The following CLASP2 variants were observed in gnomAD, a reference collection of about 807,000 sequenced individuals.
CLASP2 encodes CLIP-associating protein 2.
Under a neutral mutation model 194.4 loss-of-function variants are expected in CLASP2, and 47 were observed. The ratio of observed to expected loss-of-function variants is 0.24; its 90% CI spans 0.19 to 0.31. The LOEUF (loss-of-function observed/expected upper bound fraction) is 0.31, where lower values mean the gene tolerates loss of function less well. CLASP2 is among the 10% of genes least tolerant of loss of function. CLASP2 has a pLI of 1.00. For synonymous variants in CLASP2, 619 were observed against 633.5 expected (o/e 0.98, Z 0.34); for missense variants, 1,445 against 1,823.6 (o/e 0.79, Z 3.78).
chr3:33,632,149 T>C (rs1169939163), intron 9 of CLASP2, 143 bp downstream of exon 9: 2 of 496,724 alleles, frequency 4.0e-6, no homozygotes, highest in Non-Finnish European at 7.1e-6. Flanking sequence ...TACCAACAAA[T>C]AATGGCTTGG....
intron 7 of CLASP2, among the ~76,000 whole-genome samples, chr3:33,646,498 A>C (rs931430644): frequency 2.0e-5 from 3 of 152,174 alleles, no homozygotes; most frequent in Non-Finnish European, 4.4e-5. Flanking sequence ...ATTCCAAATA[A>C]ACTTCTTTGC....
rs1243213027 is a variant in CLASP2 at position 33,570,669 on chromosome 3, T to C, written c.2763+58A>G. ...AAAAATGGCCTACAGTTTTTCTGCT[T>C]TGACAATATACAAATGATACCCTAT... is the stretch of plus-strand genomic sequence containing the variant. On this transcript the variant is annotated intron_variant, in intron 26 of 38. Transcript: ENST00000682230. The C allele has an allele frequency of 1.9e-6, 3 of 1,563,140 alleles. No individual in the cohort carries two copies. In the African/African-American group the frequency reaches 4.1e-5, roughly 21 times the overall value.
chr3:33,583,087 G>C (rs1381732965), intron 22 of CLASP2, among the ~76,000 whole-genome samples: 1 of 152,194 alleles, frequency 6.6e-6, no homozygotes, highest in Admixed American at 6.5e-5. Flanking sequence ...GATCCAGGAG[G>C]GAGTGATTCA....
intron 22 of CLASP2, among the ~76,000 whole-genome samples, chr3:33,583,623 A>G (rs2066641957): frequency 6.6e-6 from 1 of 152,240 alleles, no homozygotes; most frequent in Non-Finnish European, 1.5e-5. Flanking sequence ...TTAATAATGT[A>G]AAAATTGATA....
At position 33,496,478 on chromosome 3, in the gene CLASP2, A is replaced by C. The variant is rs2045797484; in HGVS notation, c.*2153T>G. 1 of 152,208 alleles carries C rather than the reference A, an allele frequency of 6.6e-6. No homozygotes were observed. Among genetic ancestry groups the C allele is most frequent in the Non-Finnish European group, 1.5e-5 (1 of 68,024 alleles). The allele number at this position is 152,208 out of a possible 1,614,324, so 9.4% of individuals were successfully genotyped here. ...CTTTCTTATAGTCTTATCAACTGAGATTATAAAATTGTAAACACAATTTTT... is the reference window on the plus strand; with the variant it reads ...CTTTCTTATAGTCTTATCAACTGAGCTTATAAAATTGTAAACACAATTTTT... On this transcript the variant is annotated 3_prime_UTR_variant, in exon 39 of 39. Transcript: ENST00000682230.
intron 27 of CLASP2, among the ~76,000 whole-genome samples, chr3:33,565,804 T>C (rs2062628694): frequency 6.6e-6 from 1 of 151,122 alleles, no homozygotes; most frequent in Admixed American, 6.6e-5. Flanking sequence ...AGAGCGAGAC[T>C]CCGTCTCAAA....
At chr3:33,559,533 T>C (rs540028248) in intron 28 of CLASP2, 148 bp from the exon 29 acceptor site, 8 of 611,952 alleles carry the variant, frequency 1.3e-5, no homozygotes, top group Non-Finnish European at 2.0e-5. Flanking sequence ...CTACCTGGTA[T>C]AGTATACAAT....
At chr3:33,701,158 C>G (rs2092346281) in intron 1 of CLASP2, among the ~76,000 whole-genome samples, 1 of 152,188 alleles carries the variant, frequency 6.6e-6, no homozygotes, top group Non-Finnish European at 1.5e-5. Context: ...CAATCCCAAT[C>G]AAAATTCCAG....
intron 32 of CLASP2, among the ~76,000 whole-genome samples, chr3:33,540,748 C>A (rs2058206176): frequency 6.6e-6 from 1 of 151,010 alleles, no homozygotes; most frequent in Non-Finnish European, 1.5e-5. Context: ...TGACAAAAAT[C>A]AAGCTATTAA....
Position 33,602,966 on chromosome 3 carries a change from G to C in CLASP2, c.1910C>G (p.Ser637Cys). Residue 637 changes from serine (S) to cysteine (C), a missense_variant, in exon 18 of 39, where the codon TCC becomes TGC. Physicochemically the swap from Ser to Cys is moderately radical, Grantham distance 112. Transcript: ENST00000682230. ...RLGAGALNAG[S>C]YASLEDTSDK... is the part of the protein sequence containing the mutation. Reference sequence around the variant, plus strand: ...AGTTCTCTTACCTAGTGACGCATAGGAACCTGCATTCAGGGCACCTGCACC... The same window carrying C: ...AGTTCTCTTACCTAGTGACGCATAGCAACCTGCATTCAGGGCACCTGCACC... 1 of 1,610,250 alleles carries C rather than the reference G, an allele frequency of 6.2e-7. No homozygotes were observed. Among genetic ancestry groups the C allele is most frequent in the South Asian group, 1.1e-5 (1 of 90,080 alleles).
intron 12 of CLASP2, among the ~76,000 whole-genome samples, 169 bp downstream of exon 12, chr3:33,619,434 C>T (rs1235413978): frequency 6.7e-6 from 1 of 150,030 alleles, no homozygotes; most frequent in Non-Finnish European, 1.5e-5. Flanking sequence ...GTGGCTTTCA[C>T]TATCAGAAAA....
In CLASP2 at chr3:33,559,335, A is replaced by G; in HGVS notation, c.2981T>C (p.Val994Ala). The G allele has an allele frequency of 6.3e-7, 1 of 1,597,058 alleles. No homozygotes were observed. The highest frequency in any genetic ancestry group is 8.6e-7 in the Non-Finnish European group (1 of 1,168,952). The change falls in exon 29 of 39, where the codon GTT (valine) becomes GCT (alanine). Residue 994 changes from valine to alanine, a missense_variant. Physicochemically the swap from Val to Ala is moderately conservative, Grantham distance 64. Around this residue, in one of 4 missense-constraint regions of CLASP2, gnomAD observed 732 missense variants for 987.9 expected, o/e 0.74. Transcript: ENST00000682230. ...TAAGCTTGGTGTCTGGGTCTGATCA[A>G]CTGTAAATCTCATTAGAATATTGAA... Reference protein sequence around the residue: ...LQFNILMRFTVDQTQTPSLKV... With the variant: ...LQFNILMRFTADQTQTPSLKV...
At chr3:33,663,563 A>G (rs1287970953) in intron 6 of CLASP2, 48 bp from the exon 7 acceptor site, 2 of 1,286,238 alleles carry the variant, frequency 1.6e-6, no homozygotes, top group Non-Finnish European at 2.2e-6. Flanking sequence ...TAAAACATAT[A>G]GATTAAATAG....
intron 26 of CLASP2, 150 bp downstream of exon 26, chr3:33,570,577 T>C: frequency 1.0e-6 from 1 of 956,262 alleles, no homozygotes; most frequent in Non-Finnish European, 1.6e-6. Flanking sequence ...AATTTCTAAA[T>C]TACGTATGAT....
In CLASP2 at chr3:33,510,783, T is replaced by G. The variant is rs1304208959; in HGVS notation, c.4111-19A>C. 6.3e-7 allele frequency: 1 copy of G among 1,577,828 alleles called. No individual in the cohort carries two copies. The highest frequency in any genetic ancestry group is 1.2e-5 in the South Asian group (1 of 86,876). ...TCACCACCTAAAAAAAATAGGAAATTAAGCCAGAAAGTAATTTTTAAAATA... is the reference window on the plus strand; with the variant it reads ...TCACCACCTAAAAAAAATAGGAAATGAAGCCAGAAAGTAATTTTTAAAATA... On this transcript the variant is annotated intron_variant, in intron 36 of 38. Transcript: ENST00000682230.
At chr3:33,536,073 C>T (rs1482910590) in intron 33 of CLASP2, among the ~76,000 whole-genome samples, 2 of 151,944 alleles carry the variant, frequency 1.3e-5, no homozygotes, top group African/African-American at 2.4e-5. Flanking sequence ...TCAGCATCAC[C>T]ACCATCCACT....
intron 12 of CLASP2, among the ~76,000 whole-genome samples, chr3:33,619,156 A>T (rs1182704236): frequency 2.6e-5 from 4 of 152,206 alleles, no homozygotes; most frequent in Non-Finnish European, 5.9e-5. Context: ...AAAAGTAGTA[A>T]AGTAGTAAAG....
chr3:33,604,165 A>G lies in CLASP2; in HGVS notation c.1739T>C (p.Val580Ala). The change falls in exon 17 of 39, where the codon GTG becomes GCG. Residue 580 changes from valine (V) to alanine (A), a missense_variant. Val to Ala is a moderately conservative substitution (Grantham distance 64, BLOSUM62 0). Transcript: ENST00000682230. ...AAAGAGAAAATTACCTCTTCCAGCCACAGTTGATGGATTTGCTGTAGACCA... is the reference window on the plus strand; with the variant it reads ...AAAGAGAAAATTACCTCTTCCAGCCGCAGTTGATGGATTTGCTGTAGACCA... ...SKWSTANPST[V>A]AGRVSAGSSK... The G allele has an allele frequency of 6.4e-7, 1 of 1,559,170 alleles. No individual in the cohort carries two copies. Among genetic ancestry groups the G allele is most frequent in the Non-Finnish European group, 8.7e-7 (1 of 1,150,304 alleles).
At chr3:33,645,923 CCAG>C (rs2082190657) in intron 7 of CLASP2, among the ~76,000 whole-genome samples, 1 of 133,920 alleles carries the variant, frequency 7.5e-6, no homozygotes, top group Admixed American at 8.7e-5. Context: ...GAAACATCTC[CCAG>C]CATACACACA....
Sources: gnomAD v4.1 joint callset for allele counts (sites outside exome capture counted in the v4.1 genomes callset) on GRCh38, gnomAD v4.1.1 for gene constraint, gnomAD v4.1.1 regional missense constraint, MANE v1.5 for transcripts, NCBI Gene and HGNC (gene_info 2026-07-23, HGNC 2026-07-21) for gene names.